STARD13: variants seen among roughly 807,000 people sequenced by gnomAD.
STARD13 encodes the protein stAR-related lipid transfer protein 13.
STARD13 carries 62 observed loss-of-function variants against 106.4 expected under a neutral mutation model. The observed-to-expected ratio is 0.58, with a 90% CI of 0.48 to 0.72. STARD13 has a LOEUF of 0.72. Ranked by LOEUF, STARD13 falls within the 30% of genes least tolerant of loss-of-function variation. The probability of loss-of-function intolerance (pLI) is 0.00; values close to 1 mark genes in which losing one functional copy is unlikely to be tolerated. For synonymous variants in STARD13, 565 were observed against 553.0 expected, an observed-to-expected ratio of 1.02 and a Z score of -0.31; for missense variants, 1,387 against 1,424.0, an observed-to-expected ratio of 0.97 and a Z score of 0.42.
At chr13:33,133,073 A>G (rs1055453368) in intron 4 of STARD13, among the ~76,000 whole-genome samples, 6 of 152,200 alleles carry the variant, frequency 3.9e-5, no homozygotes, top group Middle Eastern at 3.2e-3. Flanking sequence ...ACAAAAAAAA[A>G]GGATATGACT....
chr13:33,450,972 T>C, the STARD13 span, among the ~76,000 whole-genome samples: 1 of 152,140 alleles, frequency 6.6e-6, no homozygotes, highest in Non-Finnish European at 1.5e-5. Flanking sequence ...AGTGTAGACC[T>C]CCTGTGCTCG....
At chr13:33,469,909 T>A in the STARD13 span, among the ~76,000 whole-genome samples, 1 of 152,120 alleles carries the variant, frequency 6.6e-6, no homozygotes, top group South Asian at 2.1e-4. Context: ...GTTTGTTCAA[T>A]TTAAATTTTT....
chr13:33,525,543 T>C, the STARD13 span, among the ~76,000 whole-genome samples: 2 of 152,108 alleles, frequency 1.3e-5, no homozygotes, highest in Non-Finnish European at 2.9e-5. Flanking sequence ...AATTTCTAAA[T>C]ACAATAAAAG....
chr13:33,485,187 T>C, the STARD13 span, among the ~76,000 whole-genome samples: 1 of 152,210 alleles, frequency 6.6e-6, no homozygotes, highest in South Asian at 2.1e-4. Context: ...TTTACTTGAA[T>C]GAAGTGAATG....
At chr13:33,626,368 A>G in the STARD13 span, among the ~76,000 whole-genome samples, 1 of 152,220 alleles carries the variant, frequency 6.6e-6, no homozygotes, top group African/African-American at 2.4e-5. Context: ...ATCTTTAGCT[A>G]TACATGAATC....
At chr13:33,138,795 A>G (rs369685067) in intron 4 of STARD13, 99 of 456,626 alleles carry the variant, frequency 2.2e-4, no homozygotes, top group Non-Finnish European at 4.0e-4. Context: ...GCTCGAGAAT[A>G]CTCCTCCACC....
rs182965570 is a variant in STARD13, at chr13:33,314,968, A to G, written c.124+35322T>C. 2.6e-4 allele frequency among the ~76,000 whole-genome samples: 40 copies of G among 152,312 alleles called. 1 individual carries two copies. Among genetic ancestry groups the G allele is most frequent in the Admixed American group, 2.4e-3 (37 of 15,288 alleles). On this transcript the variant is annotated intron_variant, in intron 1 of 5. Transcript: ENST00000567873. ...GACAAAGCCAAAACAAATGACACAC[A>G]AACACTTTTTTTAAAAAAAAGTTAG... is the stretch of plus-strand genomic sequence containing the variant.
At chr13:33,206,164 A>AGC in intron 1 of STARD13, 1 of 246,550 alleles carries the variant, frequency 4.1e-6, no homozygotes, top group Non-Finnish European at 6.5e-6. Context: ...CACATACCAG[A>AGC]GGAAACGCTG....
At chr13:33,455,079 A>G in the STARD13 span, among the ~76,000 whole-genome samples, 1 of 152,228 alleles carries the variant, frequency 6.6e-6, no homozygotes, top group East Asian at 1.9e-4. Context: ...AAGCCCAGGA[A>G]CATAATGGAA....
At chr13:33,486,985 C>T in the STARD13 span, among the ~76,000 whole-genome samples, 2 of 152,126 alleles carry the variant, frequency 1.3e-5, no homozygotes, top group East Asian at 1.9e-4. Flanking sequence ...CTAAACTCAC[C>T]GTAGCCTGGA....
At chr13:33,565,979 C>T in the STARD13 span, among the ~76,000 whole-genome samples, 7 of 148,572 alleles carry the variant, frequency 4.7e-5, 1 homozygote, top group African/African-American at 1.7e-4. Flanking sequence ...TCTGTAGTTT[C>T]ACTTTCCACA....
intron 1 of STARD13, among the ~76,000 whole-genome samples, chr13:33,215,470 T>G (rs1369692903): frequency 6.6e-6 from 1 of 152,234 alleles, no homozygotes; most frequent in Non-Finnish European, 1.5e-5. Flanking sequence ...ACTTATTTTT[T>G]ACACTGAAAA....
intron 1 of STARD13, among the ~76,000 whole-genome samples, chr13:33,301,558 C>CTTT (rs1435191465): frequency 7.7e-5 from 1 of 13,038 alleles, no homozygotes; most frequent in Admixed American, 1.5e-3. Flanking sequence ...GTTTCTTTTT[C>CTTT]TTTTTTTTTC....
chr13:33,182,725 C>G (rs566251014), intron 1 of STARD13, among the ~76,000 whole-genome samples: 5 of 152,374 alleles, frequency 3.3e-5, no homozygotes, highest in Non-Finnish European at 5.9e-5. Flanking sequence ...TTTAGACTCT[C>G]ATTTTGTCTA....
Position 33,129,700 on chromosome 13 carries a change from G to A in STARD13, c.977C>T (p.Ser326Phe), listed in dbSNP as rs776459043. ...PPACRKGLPC[S>F]GKSSGESSPS... is the part of the protein sequence containing the mutation. Reference sequence around the variant, plus strand: ...GCTGCTCTCGCCACTCGACTTGCCAGAGCATGGGAGCCCTTTTCTGCAGGC... The same window carrying A: ...GCTGCTCTCGCCACTCGACTTGCCAAAGCATGGGAGCCCTTTTCTGCAGGC... Residue 326 changes from serine (S) to phenylalanine (F), a missense_variant, in exon 5 of 14, where the codon TCT (serine) becomes TTT (phenylalanine). Coordinates refer to ENST00000336934, the MANE Select transcript of STARD13 (RefSeq NM_178006.4). 8 of 1,614,144 alleles carry A rather than the reference G, an allele frequency of 5.0e-6. No homozygotes were observed. The South Asian group carries it at 7.7e-5, about 16-fold the overall frequency.
the STARD13 span, among the ~76,000 whole-genome samples, chr13:33,432,050 C>G: frequency 5.1e-4 from 78 of 152,120 alleles, no homozygotes; most frequent in African/African-American, 1.8e-3. Flanking sequence ...GTCTTCAAGT[C>G]TCTGAGGTAT....
At chr13:33,364,889 A>T in the STARD13 span, among the ~76,000 whole-genome samples, 1 of 106,510 alleles carries the variant, frequency 9.4e-6, no homozygotes, top group East Asian at 2.0e-4. Context: ...ACTCCGTCTC[A>T]AAAAAAAAGA....
At chr13:33,131,630 A>T (rs752189554) in intron 4 of STARD13, among the ~76,000 whole-genome samples, 3 of 152,214 alleles carry the variant, frequency 2.0e-5, no homozygotes, top group Non-Finnish European at 4.4e-5. Flanking sequence ...TTCATTATTC[A>T]TATAAACATA....
At chr13:33,499,708 TCTTC>T in the STARD13 span, among the ~76,000 whole-genome samples, 1 of 145,496 alleles carries the variant, frequency 6.9e-6, no homozygotes, top group African/African-American at 2.6e-5. Context: ...TTCCTCTTCC[TCTTC>T]CTCTCCTTCT....
Sources: gnomAD v4.1 joint callset for allele counts (sites outside exome capture counted in the v4.1 genomes callset) on GRCh38, gnomAD v4.1.1 for gene constraint, MANE v1.5 for transcripts, NCBI Gene and HGNC (gene_info 2026-07-23, HGNC 2026-07-21) for gene names.